The following GRIA4 variants were observed in gnomAD, a reference collection of about 807,000 sequenced individuals.
GRIA4 encodes glutamate receptor 4.
GRIA4 carries 34 observed loss-of-function variants against 104.0 expected under a neutral mutation model. That is an observed-to-expected ratio of 0.33 (90% CI 0.25 to 0.44). GRIA4 has a LOEUF of 0.44. Among genes scored for constraint, GRIA4 ranks in the 20% least tolerant of loss-of-function variants. GRIA4 has a pLI of 1.00. For missense variants in GRIA4, 750 were observed against 1,096.5 expected (o/e 0.68, Z 4.46); for synonymous variants, 386 against 381.9 (o/e 1.01, Z -0.13).
At chr11:105,717,429 T>C (rs1269562778) in intron 3 of GRIA4, among the ~76,000 whole-genome samples, 4 of 152,146 alleles carry the variant, frequency 2.6e-5, no homozygotes, top group African/African-American at 9.7e-5. Flanking sequence ...GAAATAAAGC[T>C]AAATCTCACT....
chr11:105,661,181 A>C (rs1189519354), intron 3 of GRIA4, among the ~76,000 whole-genome samples: 1 of 151,698 alleles, frequency 6.6e-6, no homozygotes, highest in Non-Finnish European at 1.5e-5. Context: ...TAGAAAGATG[A>C]AATACTATGT....
chr11:105,804,111 C>A (rs1335450737), intron 4 of GRIA4, among the ~76,000 whole-genome samples: 3 of 151,742 alleles, frequency 2.0e-5, no homozygotes, highest in African/African-American at 7.3e-5. Context: ...ATTTAACATG[C>A]AGATTGGTAA....
intron 3 of GRIA4, chr11:105,613,250 T>A (rs1303877413): frequency 2.0e-5 from 3 of 151,960 alleles, no homozygotes; most frequent in Admixed American, 6.6e-5. Context: ...AAAAAAAAAA[T>A]ACAATCAACT....
chr11:105,771,425 G>A (rs1367727712), intron 4 of GRIA4, among the ~76,000 whole-genome samples: 2 of 151,814 alleles, frequency 1.3e-5, no homozygotes, highest in African/African-American at 2.4e-5. Context: ...TTCTCTTTGG[G>A]GACAATGCTA....
intron 4 of GRIA4, among the ~76,000 whole-genome samples, chr11:105,767,489 T>C (rs1032885552): frequency 6.6e-6 from 1 of 152,148 alleles, no homozygotes. Context: ...TATGTTTTGA[T>C]GACCCCTTAT....
intron 3 of GRIA4, among the ~76,000 whole-genome samples, chr11:105,657,221 C>T (rs765829287): frequency 6.6e-6 from 1 of 151,848 alleles, no homozygotes; most frequent in Non-Finnish European, 1.5e-5. Flanking sequence ...ATTAATATAA[C>T]CTTAAGCTTT....
intron 9 of GRIA4, among the ~76,000 whole-genome samples, chr11:105,909,732 C>G (rs2136161490): frequency 6.6e-6 from 1 of 152,056 alleles, no homozygotes; most frequent in East Asian, 1.9e-4. Context: ...CATTAAGATC[C>G]CATTGTAGCT....
intron 4 of GRIA4, among the ~76,000 whole-genome samples, chr11:105,763,652 A>G (rs1160347467): frequency 6.6e-6 from 1 of 152,196 alleles, no homozygotes; most frequent in African/African-American, 2.4e-5. Context: ...TTCTGTTTTG[A>G]TAGATGCCAG....
At chr11:105,858,761 C>T (rs1945111177) in intron 4 of GRIA4, among the ~76,000 whole-genome samples, 1 of 152,064 alleles carries the variant, frequency 6.6e-6, no homozygotes, top group South Asian at 2.1e-4. Context: ...ACATGGGAAA[C>T]TTGTCTTTCT....
At chr11:105,659,222 T>G (rs1333966209) in intron 3 of GRIA4, among the ~76,000 whole-genome samples, 1 of 151,910 alleles carries the variant, frequency 6.6e-6, no homozygotes, top group Non-Finnish European at 1.5e-5. Flanking sequence ...TTGTTCTTAT[T>G]GGCAGAGCAT....
At chr11:105,939,999 T>C (rs1328825909) in intron 14 of GRIA4, among the ~76,000 whole-genome samples, 1 of 152,094 alleles carries the variant, frequency 6.6e-6, no homozygotes, top group East Asian at 1.9e-4. Flanking sequence ...CACACCGCAG[T>C]GGATTCCTCC....
At chr11:105,804,663 T>C (rs1942869582) in intron 4 of GRIA4, among the ~76,000 whole-genome samples, 1 of 151,966 alleles carries the variant, frequency 6.6e-6, no homozygotes, top group South Asian at 2.1e-4. Context: ...TAAATTTATT[T>C]TATATGGATG....
At chr11:105,830,794 G>A (rs1943947563) in intron 4 of GRIA4, among the ~76,000 whole-genome samples, 1 of 151,946 alleles carries the variant, frequency 6.6e-6, no homozygotes, top group Non-Finnish European at 1.5e-5. Context: ...TCATCTCTGT[G>A]GCCTTCCTTT....
intron 4 of GRIA4, chr11:105,842,872 T>A (rs1591335873): frequency 6.6e-6 from 1 of 152,216 alleles, no homozygotes. Flanking sequence ...CCTGGAAGAA[T>A]ATGATGCTAA....
intron 4 of GRIA4, among the ~76,000 whole-genome samples, chr11:105,803,637 A>C (rs72985188): frequency 0.044 from 6,689 of 151,968 alleles, 204 homozygotes; most frequent in Non-Finnish European, 0.071. Context: ...CAGATCAATA[A>C]ATTGATGTGC....
Position 105,660,518 on chromosome 11 carries a change from T to C in GRIA4, c.247+48084T>C, listed in dbSNP as rs545450632. Among the ~76,000 whole-genome samples, 4 of 151,742 alleles carry C rather than the reference T, an allele frequency of 2.6e-5. No individual in the cohort carries two copies. In the South Asian group the frequency reaches 8.3e-4, roughly 31 times the overall value. On this transcript the variant is annotated intron_variant, in intron 3 of 16. Coordinates refer to ENST00000282499, the MANE Select transcript of GRIA4 (RefSeq NM_000829.4). Reference sequence around the variant, plus strand: ...ATGCTTGAACACAGAAAATTTATGTTACAGATATTGTTCTTGGAAAATTTA... The same window carrying C: ...ATGCTTGAACACAGAAAATTTATGTCACAGATATTGTTCTTGGAAAATTTA...
chr11:105,849,063 G>T (rs777503795), intron 4 of GRIA4, among the ~76,000 whole-genome samples: 2 of 152,066 alleles, frequency 1.3e-5, no homozygotes, highest in East Asian at 3.9e-4. Context: ...ATTGTGGCAG[G>T]TGCCTGTAAT....
At chr11:105,705,081 A>G (rs887637139) in intron 3 of GRIA4, among the ~76,000 whole-genome samples, 3 of 152,206 alleles carry the variant, frequency 2.0e-5, no homozygotes, top group Admixed American at 6.6e-5. Context: ...TCAGTGGAAT[A>G]GAACAGAAAG....
intron 11 of GRIA4, among the ~76,000 whole-genome samples, chr11:105,919,950 T>C (rs898002096): frequency 1.3e-5 from 2 of 152,130 alleles, no homozygotes; most frequent in South Asian, 2.1e-4. Context: ...TAGAAAGATT[T>C]AGAACATAAC....
Sources: allele counts gnomAD v4.1 joint callset (sites outside exome capture counted in the v4.1 genomes callset), GRCh38; gene constraint gnomAD v4.1.1; transcripts MANE v1.5; gene names NCBI Gene and HGNC (gene_info 2026-07-23, HGNC 2026-07-21).